The following ACAA2 variants were observed in gnomAD, a reference collection of about 807,000 sequenced individuals.
ACAA2 encodes 3-ketoacyl-CoA thiolase, mitochondrial.
Under a neutral mutation model 44.8 loss-of-function variants are expected in ACAA2, and 35 were observed. The observed-to-expected ratio is 0.78, with a 90% CI of 0.60 to 1.04. ACAA2 has a LOEUF of 1.04. Among genes scored for constraint, ACAA2 ranks in the 50% least tolerant of loss-of-function variants. The probability of loss-of-function intolerance (pLI) is 0.00; values close to 1 mark genes in which losing one functional copy is unlikely to be tolerated. For missense variants in ACAA2, 468 were observed against 482.6 expected (o/e 0.97, Z 0.28); for synonymous variants, 142 against 166.5 (o/e 0.85, Z 1.13).
Position 49,787,287 on chromosome 18 carries a change from T to C in ACAA2, c.954+4A>G. ...AAAAAAAAAAAAAAAAAAAAAACAC[T>C]TACCTCTACCAAATCCATGTCCTTA... On this transcript the variant is annotated splice_donor_region_variant and intron_variant, in intron 8 of 9. Transcript: ENST00000285093. The C allele has an allele frequency of 8.9e-7, 1 of 1,126,618 alleles. No homozygotes were observed. Among genetic ancestry groups the C allele is most frequent in the Non-Finnish European group, 1.2e-6 (1 of 849,578 alleles). The allele number at this position is 1,126,618 out of a possible 1,614,324, so 69.8% of individuals were successfully genotyped here. A position where few individuals can be genotyped will look rare whatever the true frequency, so the allele number is the denominator to read the frequency against.
intron 2 of ACAA2, among the ~76,000 whole-genome samples, chr18:49,800,232 C>T (rs1362776339): frequency 3.5e-5 from 5 of 144,070 alleles, no homozygotes; most frequent in African/African-American, 7.9e-5. Context: ...GGGGGTCAGC[C>T]CCCCGCCCGG....
intron 8 of ACAA2, chr18:49,785,819 C>T (rs2023322197): frequency 6.3e-6 from 1 of 158,564 alleles, no homozygotes; most frequent in Admixed American, 6.4e-5. Flanking sequence ...AGTGTGTTAC[C>T]TGAAACATGG....
At chr18:49,811,684 C>T (rs2023671128) in intron 1 of ACAA2, among the ~76,000 whole-genome samples, 1 of 152,156 alleles carries the variant, frequency 6.6e-6, no homozygotes, top group Non-Finnish European at 1.5e-5. Context: ...TTCTAGCTGG[C>T]CTGTAACATC....
intron 1 of ACAA2, among the ~76,000 whole-genome samples, chr18:49,805,760 T>G (rs1042921801): frequency 7.1e-6 from 1 of 141,210 alleles, no homozygotes; most frequent in Non-Finnish European, 1.5e-5. Context: ...CCTTTTTTTC[T>G]TTTTTTTTTT....
intron 1 of ACAA2, among the ~76,000 whole-genome samples, chr18:49,804,005 G>T (rs1598801311): frequency 6.6e-6 from 1 of 151,712 alleles, no homozygotes; most frequent in Non-Finnish European, 1.5e-5. Flanking sequence ...CCGCCTCCCG[G>T]GTTCAAGTGA....
chr18:49,793,340 C>A (rs188015979), intron 5 of ACAA2, among the ~76,000 whole-genome samples: 3 of 152,142 alleles, frequency 2.0e-5, no homozygotes, highest in Non-Finnish European at 4.4e-5. Context: ...TCCTTATATG[C>A]CCTTATTTGG....
chr18:49,805,212 T>C (rs2023598179), intron 1 of ACAA2, among the ~76,000 whole-genome samples: 2 of 152,234 alleles, frequency 1.3e-5, no homozygotes, highest in Non-Finnish European at 2.9e-5. Context: ...TCAAGCATTA[T>C]ACCACTACTG....
chr18:49,785,068 T>C (rs182799776), intron 9 of ACAA2, 129 bp downstream of exon 9: 7 of 1,134,842 alleles, frequency 6.2e-6, no homozygotes, highest in Non-Finnish European at 8.7e-6. Flanking sequence ...AAGTAACTTG[T>C]TCCTGGTAAC....
chr18:49,788,172 T>G (rs146424046), intron 7 of ACAA2, among the ~76,000 whole-genome samples: 3 of 152,362 alleles, frequency 2.0e-5, no homozygotes, highest in African/African-American at 7.2e-5. Context: ...ATAATTTAAA[T>G]CCATATTTTT....
At chr18:49,805,928 T>C (rs552841743) in intron 1 of ACAA2, among the ~76,000 whole-genome samples, 1 of 152,252 alleles carries the variant, frequency 6.6e-6, no homozygotes, top group South Asian at 2.1e-4. Context: ...CTTTCCTCTT[T>C]CCATGCCTTC....
rs2023275696 is a variant in ACAA2 at position 49,782,297 on chromosome 18, C to T, written c.*1550G>A. ...AATAAAAGCTGGACTTGCCTGTTGC[C>T]ACTAGTCCATTATCCCAAACCGTGG... On this transcript the variant is annotated 3_prime_UTR_variant, in exon 10 of 10. Transcript: ENST00000285093. 6.6e-6 allele frequency: 1 copy of T among 152,154 alleles called. No homozygotes were observed. Among genetic ancestry groups the T allele is most frequent in the South Asian group, 2.1e-4 (1 of 4,832 alleles). 9.4% of individuals were successfully genotyped at this position (152,154 alleles called of 1,614,324 possible). A position where few individuals can be genotyped will look rare whatever the true frequency, so the allele number is the denominator to read the frequency against.
At position 49,799,200 on chromosome 18, in the gene ACAA2, A is replaced by G. The variant is rs553649244; in HGVS notation, c.184-1606T>C. Among the ~76,000 whole-genome samples the G allele has an allele frequency of 1.9e-4, 29 of 152,142 alleles. No homozygotes were observed. In the South Asian group the frequency reaches 2.7e-3, roughly 14 times the overall value. On this transcript the variant is annotated intron_variant, in intron 2 of 9. Coordinates refer to ENST00000285093, the MANE Select transcript of ACAA2 (RefSeq NM_006111.3). ...CAATCTGACAAAGGGAATCTATAAA[A>G]AATCCACAGCTCTCCCTCTCCCCCT...
In ACAA2 at chr18:49,792,329, T is replaced by G; in HGVS notation, c.578-2A>C. 6.2e-7 allele frequency: 1 copy of G among 1,609,698 alleles called. No homozygotes were observed. The highest frequency in any genetic ancestry group is 2.2e-5 in the East Asian group (1 of 44,852). On this transcript the variant is annotated splice_acceptor_variant, in intron 5 of 9. Transcript: ENST00000285093. LOFTEE classifies it high-confidence loss of function. ...CATTAAAGTAGCCAGCATCATTAGCTGAAAAATAGTAGAGAGACTATCATA... is the reference window on the plus strand; with the variant it reads ...CATTAAAGTAGCCAGCATCATTAGCGGAAAAATAGTAGAGAGACTATCATA...
At chr18:49,811,511 C>G (rs1354438924) in intron 1 of ACAA2, 1 of 152,144 alleles carries the variant, frequency 6.6e-6, no homozygotes, top group Non-Finnish European at 1.5e-5. Flanking sequence ...AACCTAGGAG[C>G]CGGTTCTTCT....
Position 49,791,524 on chromosome 18 carries a change from C to G in ACAA2, c.829G>C (p.Ala277Pro), listed in dbSNP as rs765547364. 2 of 1,612,558 alleles carry G rather than the reference C, an allele frequency of 1.2e-6. No homozygotes were observed. The highest frequency in any genetic ancestry group is 3.3e-5 in the Admixed American group (2 of 60,014). ...AVKKHNFTPLARIVGYFVSGC... is the reference protein window; with the variant it reads ...AVKKHNFTPLPRIVGYFVSGC... ...GATACAAAGTAGCCCACAATTCTTG[C>G]CAGTGGTGTGAAGTTATGTTTCTTA... Residue 277 changes from alanine (A) to proline (P), a missense_variant, in exon 7 of 10, where the codon GCA (alanine) becomes CCA (proline). Ala to Pro is a conservative substitution (Grantham distance 27). Transcript: ENST00000285093.
intron 1 of ACAA2, chr18:49,813,052 G>T: frequency 5.8e-6 from 1 of 171,612 alleles, no homozygotes; most frequent in Non-Finnish European, 1.2e-5. Context: ...CGATTCACCC[G>T]GGGAGCCCTG....
intron 7 of ACAA2, among the ~76,000 whole-genome samples, chr18:49,789,508 A>G (rs911536047): frequency 6.6e-6 from 1 of 152,206 alleles, no homozygotes; most frequent in East Asian, 1.9e-4. Context: ...ACTTTAGGGC[A>G]AATATTCAGG....
At chr18:49,797,720 C>T in intron 2 of ACAA2, 126 bp from the exon 3 acceptor site, 1 of 645,572 alleles carries the variant, frequency 1.5e-6, no homozygotes, top group Non-Finnish European at 2.5e-6. Context: ...TAAGGTAGGA[C>T]AAAATGCATC....
At chr18:49,801,800 A>ATATATATATATATC (rs1396169398) in intron 2 of ACAA2, among the ~76,000 whole-genome samples, 6 of 141,908 alleles carry the variant, frequency 4.2e-5, no homozygotes, top group Non-Finnish European at 9.1e-5. Flanking sequence ...ATATATATAT[A>ATATATATATATATC]TATATATATA....
Sources: gnomAD v4.1 joint callset for allele counts (sites outside exome capture counted in the v4.1 genomes callset) on GRCh38, gnomAD v4.1.1 for gene constraint, MANE v1.5 for transcripts, NCBI Gene and HGNC (gene_info 2026-07-23, HGNC 2026-07-21) for gene names.